The following MDGA2 variants were observed in gnomAD, a reference collection of about 807,000 sequenced individuals.
MDGA2 encodes MAM domain containing glycosylphosphatidylinositol anchor 2, also known as MAM domain-containing glycosylphosphatidylinositol anchor protein 2.
In MDGA2, 40 loss-of-function variants were observed where a neutral mutation model predicts 117.8. The ratio of observed to expected loss-of-function variants is 0.34; its 90% CI spans 0.26 to 0.44. The LOEUF (loss-of-function observed/expected upper bound fraction) is 0.44. Among genes scored for constraint, MDGA2 ranks in the 20% least tolerant of loss-of-function variants. The pLI is 1.00. For synonymous variants in MDGA2, 452 were observed against 439.0 expected, an observed-to-expected ratio of 1.03 and a Z score of -0.37; for missense variants, 1,123 against 1,250.6, an observed-to-expected ratio of 0.90 and a Z score of 1.54.
intron 1 of MDGA2, among the ~76,000 whole-genome samples, chr14:47,525,921 A>G (rs1594899845): frequency 6.6e-6 from 1 of 152,070 alleles, no homozygotes; most frequent in Non-Finnish European, 1.5e-5. Flanking sequence ...AATTATATAT[A>G]TGTAGGCACA....
intron 3 of MDGA2, among the ~76,000 whole-genome samples, chr14:47,192,629 T>C (rs1476011926): frequency 4.6e-5 from 7 of 151,606 alleles, no homozygotes; most frequent in African/African-American, 1.7e-4. Flanking sequence ...AAAAATAAAA[T>C]AAATAAATAA....
At chr14:47,132,484 C>G (rs1003898729) in intron 4 of MDGA2, among the ~76,000 whole-genome samples, 9 of 151,752 alleles carry the variant, frequency 5.9e-5, no homozygotes, top group Non-Finnish European at 1.2e-4. Flanking sequence ...GGTAACTCTC[C>G]AGGTAAATCT....
intron 4 of MDGA2, among the ~76,000 whole-genome samples, chr14:47,139,866 A>T (rs573332217): frequency 4.4e-4 from 58 of 131,898 alleles, no homozygotes; most frequent in African/African-American, 1.7e-3. Flanking sequence ...ACACATATAT[A>T]TATATACACA....
chr14:47,244,576 A>G (rs1276230102), intron 2 of MDGA2, among the ~76,000 whole-genome samples: 1 of 151,804 alleles, frequency 6.6e-6, no homozygotes, highest in East Asian at 1.9e-4. Context: ...TTTTGCTTAT[A>G]TCCTTTTCAT....
At chr14:47,127,376 C>A (rs1257842442) in intron 5 of MDGA2, among the ~76,000 whole-genome samples, 1 of 151,996 alleles carries the variant, frequency 6.6e-6, no homozygotes, top group Non-Finnish European at 1.5e-5. Context: ...TTAATTTATA[C>A]CCTGTGTATT....
intron 5 of MDGA2, among the ~76,000 whole-genome samples, chr14:47,113,000 T>C: frequency 6.6e-6 from 1 of 152,202 alleles, no homozygotes; most frequent in African/African-American, 2.4e-5. Context: ...TCAGTGATGT[T>C]GAGCTTTTTC....
chr14:47,092,236 C>G lies in MDGA2; in HGVS notation c.1195+4618G>C, dbSNP rs138559685. ...TATTTTGAAGATAGAACCAGAAGGACTGGCTGATAAATCACCTTCAAGAAT... is the reference window on the plus strand; with the variant it reads ...TATTTTGAAGATAGAACCAGAAGGAGTGGCTGATAAATCACCTTCAAGAAT... On this transcript the variant is annotated intron_variant, in intron 6 of 16. Transcript: ENST00000399232. Among the ~76,000 whole-genome samples the G allele has an allele frequency of 6.4e-3, 979 of 152,244 alleles. 13 individuals carry two copies. Among genetic ancestry groups the G allele is most frequent in the African/African-American group, 0.022 (920 of 41,562 alleles).
At chr14:47,461,384 C>T (rs1282531047) in intron 1 of MDGA2, among the ~76,000 whole-genome samples, 1 of 151,170 alleles carries the variant, frequency 6.6e-6, no homozygotes, top group Non-Finnish European at 1.5e-5. Flanking sequence ...ACTTGTTACT[C>T]AAAATAGAAA....
chr14:47,657,179 T>C (rs1897761200), intron 1 of MDGA2, among the ~76,000 whole-genome samples: 1 of 152,110 alleles, frequency 6.6e-6, no homozygotes, highest in South Asian at 2.1e-4. Context: ...GGGGCAAAGA[T>C]AAGCCATTCT....
At chr14:47,132,680 A>G (rs1287371856) in intron 4 of MDGA2, among the ~76,000 whole-genome samples, 1 of 151,956 alleles carries the variant, frequency 6.6e-6, no homozygotes, top group Non-Finnish European at 1.5e-5. Context: ...TGCCTTCTAA[A>G]GTCATTAATG....
At chr14:47,674,435 C>A in intron 1 of MDGA2, 82 bp downstream of exon 1, 1 of 1,236,618 alleles carries the variant, frequency 8.1e-7, no homozygotes, top group Non-Finnish European at 1.1e-6. Flanking sequence ...GGCCCCGGAA[C>A]GGCGCGAGTC....
intron 6 of MDGA2, among the ~76,000 whole-genome samples, chr14:47,063,335 CT>C (rs1373567894): frequency 2.0e-5 from 3 of 151,916 alleles, no homozygotes; most frequent in Non-Finnish European, 2.9e-5. Context: ...TTATTTACCC[CT>C]AACCATATCT....
intron 5 of MDGA2, among the ~76,000 whole-genome samples, chr14:47,106,517 C>T (rs1313469364): frequency 6.6e-6 from 1 of 151,856 alleles, no homozygotes; most frequent in African/African-American, 2.4e-5. Context: ...CCTCCTAAGC[C>T]GCGTCCCATC....
chr14:47,423,257 T>C (rs1892615735), intron 1 of MDGA2, among the ~76,000 whole-genome samples: 2 of 152,304 alleles, frequency 1.3e-5, no homozygotes, highest in African/African-American at 4.8e-5. Context: ...GTCAAAAGCA[T>C]TTGCAAAATG....
intron 3 of MDGA2, among the ~76,000 whole-genome samples, chr14:47,157,595 A>ATATGTGTG (rs1281939078): frequency 1.3e-4 from 19 of 144,538 alleles, no homozygotes; most frequent in African/African-American, 4.4e-4. Context: ...ATGTACATAT[A>ATATGTGTG]TGTGTGTGTG....
chr14:47,165,973 T>A (rs1883854575), intron 3 of MDGA2, among the ~76,000 whole-genome samples: 1 of 151,888 alleles, frequency 6.6e-6, no homozygotes, highest in East Asian at 1.9e-4. Flanking sequence ...AAGGCTCATA[T>A]ACACCTATAC....
intron 1 of MDGA2, among the ~76,000 whole-genome samples, chr14:47,490,978 C>CT: frequency 6.6e-6 from 1 of 152,050 alleles, no homozygotes; most frequent in African/African-American, 2.4e-5. Context: ...CGAAAGTCCT[C>CT]TTTTTTGTCT....
rs546008059 is a variant in MDGA2, at chr14:47,069,390, T to G, written c.1196-7812A>C. ...TATAACGTTTAAGAAAATAAATTCA[T>G]GGACTGTTCTCATTCACATCACAAT... On this transcript the variant is annotated intron_variant, in intron 6 of 16. Coordinates refer to ENST00000399232, the MANE Select transcript of MDGA2 (RefSeq NM_001113498.3). Among the ~76,000 whole-genome samples the G allele has an allele frequency of 7.4e-4, 112 of 152,368 alleles. 1 individual carries two copies. The highest frequency in any genetic ancestry group is 2.6e-3 in the African/African-American group (109 of 41,596).
At chr14:47,256,382 C>A (rs1887620675) in intron 2 of MDGA2, among the ~76,000 whole-genome samples, 1 of 152,162 alleles carries the variant, frequency 6.6e-6, no homozygotes, top group Non-Finnish European at 1.5e-5. Context: ...AGGAATTTAT[C>A]CACGAGTGAC....
Sources: allele counts gnomAD v4.1 joint callset (sites outside exome capture counted in the v4.1 genomes callset), GRCh38; gene constraint gnomAD v4.1.1; transcripts MANE v1.5; gene names NCBI Gene and HGNC (gene_info 2026-07-23, HGNC 2026-07-21).